Variants in CSGALNACT1 observed in about 807,000 individuals in gnomAD.
The protein encoded by CSGALNACT1 is beta4GalNAcT-1.
A neutral mutation model predicts 51.0 loss-of-function variants in CSGALNACT1; 52 were observed. That is an observed-to-expected ratio of 1.02 (90% CI 0.82 to 1.29). The LOEUF is 1.29. Ranked by LOEUF, CSGALNACT1 falls within the 50% of genes most tolerant of loss-of-function variation. The pLI is 0.00. For synonymous variants in CSGALNACT1, 341 were observed against 254.4 expected (o/e 1.34, Z -3.24); for missense variants, 935 against 679.2 (o/e 1.38, Z -4.19).
chr8:19,598,294 G>A (rs1412414390), intron 2 of CSGALNACT1, among the ~76,000 whole-genome samples: 1 of 152,160 alleles, frequency 6.6e-6, no homozygotes, highest in Non-Finnish European at 1.5e-5. Context: ...TGAACCTCCT[G>A]GAGTAGCCTC....
At chr8:19,541,424 T>C (rs2154070618) in intron 3 of CSGALNACT1, among the ~76,000 whole-genome samples, 1 of 151,674 alleles carries the variant, frequency 6.6e-6, no homozygotes, top group East Asian at 1.9e-4. Flanking sequence ...CTAATTTTTT[T>C]TGTATTTTTA....
chr8:19,507,347 C>T lies in CSGALNACT1; in HGVS notation c.-296-1217G>A, dbSNP rs185064314. On this transcript the variant is annotated intron_variant, in intron 3 of 9. Coordinates refer to ENST00000454498, the Ensembl canonical transcript of CSGALNACT1. ...GACGGGTCCCAGGACTTTTCACATG[C>T]TCTGCACCTCAACTCTCAATCTCAA... Among the ~76,000 whole-genome samples the T allele has an allele frequency of 4.0e-3, 605 of 151,886 alleles. 3 individuals carry two copies. The highest frequency in any genetic ancestry group is 7.1e-3 in the Non-Finnish European group (481 of 67,926).
chr8:19,648,817 C>A (rs111984877), intron 1 of CSGALNACT1, among the ~76,000 whole-genome samples: 2 of 151,992 alleles, frequency 1.3e-5, no homozygotes, highest in Non-Finnish European at 1.5e-5. Context: ...AAGAAACAAA[C>A]AAAAAGAATG....
intron 1 of CSGALNACT1, among the ~76,000 whole-genome samples, chr8:19,696,832 T>C (rs1199994481): frequency 6.6e-6 from 1 of 152,060 alleles, no homozygotes; most frequent in Non-Finnish European, 1.5e-5. Context: ...AGAGAAAGCT[T>C]AGATGGTGCT....
chr8:19,704,684 G>A (rs1018758614), intron 1 of CSGALNACT1, among the ~76,000 whole-genome samples: 2 of 152,098 alleles, frequency 1.3e-5, no homozygotes, highest in South Asian at 2.1e-4. Context: ...ATAGACGGAT[G>A]GATGGATGGA....
rs145300009 is a variant in CSGALNACT1 at position 19,430,826 on chromosome 8, T to G, written c.953+9004A>C. Among the ~76,000 whole-genome samples, 1,484 of 152,284 alleles carry G rather than the reference T, an allele frequency of 9.7e-3. 22 individuals carry two copies. Among genetic ancestry groups the G allele is most frequent in the African/African-American group, 0.034 (1,407 of 41,572 alleles). ...AGAATATTAATGAACATGGGATGTC[T>G]TTCCATTTATTTAGGCCTTCTTTAA... is the stretch of plus-strand genomic sequence containing the variant. On this transcript the variant is annotated intron_variant, in intron 6 of 9. Coordinates refer to ENST00000454498, the Ensembl canonical transcript of CSGALNACT1.
intron 1 of CSGALNACT1, among the ~76,000 whole-genome samples, chr8:19,631,555 C>T (rs1391359623): frequency 2.0e-5 from 3 of 152,176 alleles, no homozygotes; most frequent in African/African-American, 7.2e-5. Flanking sequence ...CCAGTGAGAA[C>T]AAAATTCTTT....
chr8:19,414,813 G>A (rs1002044500), intron 8 of CSGALNACT1, among the ~76,000 whole-genome samples: 5 of 152,118 alleles, frequency 3.3e-5, no homozygotes, highest in African/African-American at 4.8e-5. Flanking sequence ...CTTCACCTTT[G>A]ATACTGATGT....
intron 3 of CSGALNACT1, among the ~76,000 whole-genome samples, chr8:19,534,397 G>A (rs1194645734): frequency 6.6e-6 from 1 of 152,072 alleles, no homozygotes; most frequent in South Asian, 2.1e-4. Flanking sequence ...GCTGCAGTGA[G>A]CTGAGATCCC....
chr8:19,584,140 G>A (rs1048697547), intron 3 of CSGALNACT1, among the ~76,000 whole-genome samples: 2 of 152,176 alleles, frequency 1.3e-5, no homozygotes, highest in Admixed American at 1.3e-4. Context: ...ACCCAGACTT[G>A]TGACTTTTGA....
In CSGALNACT1 at chr8:19,542,702, C is replaced by A. The variant is rs577460939; in HGVS notation, c.-296-36572G>T. Among the ~76,000 whole-genome samples the A allele has an allele frequency of 2.0e-5, 3 of 152,262 alleles. No individual in the cohort carries two copies. In the South Asian group the frequency reaches 6.2e-4, roughly 32 times the overall value. ...CTTCTGCCAGCCATCTCTTCATTAT[C>A]TAATCATTTTTATTAATTCATCTAT... On this transcript the variant is annotated intron_variant, in intron 3 of 9. Coordinates refer to ENST00000454498, the Ensembl canonical transcript of CSGALNACT1.
intron 4 of CSGALNACT1, among the ~76,000 whole-genome samples, chr8:19,492,708 C>T (rs1471649411): frequency 6.6e-6 from 1 of 152,214 alleles, no homozygotes; most frequent in Non-Finnish European, 1.5e-5. Context: ...CCGTAGCCAC[C>T]AGCCTAGCAA....
At chr8:19,518,709 G>A (rs1048419890) in intron 3 of CSGALNACT1, among the ~76,000 whole-genome samples, 14 of 152,088 alleles carry the variant, frequency 9.2e-5, no homozygotes, top group African/African-American at 1.9e-4. Context: ...GGTACACCAC[G>A]AGGAACCCCA....
Position 19,573,636 on chromosome 8 carries a change from G to T in CSGALNACT1, c.-297+17524C>A, listed in dbSNP as rs538127929. ...TTTTTGTATTTTTAGTAGATACAGG[G>T]TTTCACCATGTTGGCCAGGCTGGTC... On this transcript the variant is annotated intron_variant, in intron 3 of 9. Transcript: ENST00000454498. 6.6e-5 allele frequency among the ~76,000 whole-genome samples: 10 copies of T among 152,152 alleles called. No individual in the cohort carries two copies. The East Asian group carries it at 7.7e-4, about 12-fold the overall frequency.
intron 3 of CSGALNACT1, among the ~76,000 whole-genome samples, chr8:19,532,561 G>C (rs976189929): frequency 6.6e-6 from 1 of 152,090 alleles, no homozygotes; most frequent in African/African-American, 2.4e-5. Flanking sequence ...CTAAACCATG[G>C]CTTCAATCAT....
intron 3 of CSGALNACT1, among the ~76,000 whole-genome samples, chr8:19,583,282 T>C (rs2045967183): frequency 6.6e-6 from 1 of 152,236 alleles, no homozygotes; most frequent in Non-Finnish European, 1.5e-5. Flanking sequence ...TGTATTTATC[T>C]ACAGTGATAG....
intron 3 of CSGALNACT1, among the ~76,000 whole-genome samples, chr8:19,524,813 G>C (rs1241585308): frequency 2.0e-5 from 3 of 152,074 alleles, no homozygotes; most frequent in African/African-American, 7.2e-5. Flanking sequence ...TGACAGAACA[G>C]ACATAAACAA....
chr8:19,697,238 C>T (rs2061631426), intron 1 of CSGALNACT1, among the ~76,000 whole-genome samples: 1 of 152,078 alleles, frequency 6.6e-6, no homozygotes, highest in Non-Finnish European at 1.5e-5. Flanking sequence ...AGTGAAGACA[C>T]ATCAGAGGCA....
Position 19,568,439 on chromosome 8 carries a change from G to T in CSGALNACT1, c.-297+22721C>A, listed in dbSNP as rs577877106. 3.3e-5 allele frequency among the ~76,000 whole-genome samples: 5 copies of T among 152,206 alleles called. No individual in the cohort carries two copies. In the South Asian group the frequency reaches 1.0e-3, roughly 32 times the overall value. On this transcript the variant is annotated intron_variant, in intron 3 of 9. Coordinates refer to ENST00000454498, the Ensembl canonical transcript of CSGALNACT1. ...TCATTGACCCAGACATCATTATGCG[G>T]TGCATGGCTGTATAAGAATTCTGAT...
Sources: gnomAD v4.1 joint callset for allele counts (sites outside exome capture counted in the v4.1 genomes callset) on GRCh38, gnomAD v4.1.1 for gene constraint, MANE v1.5 for transcripts, NCBI Gene and HGNC (gene_info 2026-07-23, HGNC 2026-07-21) for gene names.